The following RANBP1 variants were observed in gnomAD, a reference collection of about 807,000 sequenced individuals.
RANBP1 encodes the protein ran-specific GTPase-activating protein.
RANBP1 carries 16 observed loss-of-function variants against 31.4 expected under a neutral mutation model. The ratio of observed to expected loss-of-function variants is 0.51; its 90% CI spans 0.34 to 0.77. RANBP1 has a LOEUF of 0.77. Among genes scored for constraint, RANBP1 ranks in the 30% least tolerant of loss-of-function variants. The pLI is 0.01. For missense variants in RANBP1, 265 were observed against 362.0 expected, an observed-to-expected ratio of 0.73 and a Z score of 2.17; for synonymous variants, 129 against 140.5, an observed-to-expected ratio of 0.92 and a Z score of 0.58.
At chr22:20,118,066 G>C (rs780124241) in intron 1 of RANBP1, 1 of 996,840 alleles carries the variant, frequency 1.0e-6, no homozygotes, top group Non-Finnish European at 1.2e-6. Context: ...TCATTCATTC[G>C]GTTCTTACGT....
intron 1 of RANBP1, chr22:20,117,023 G>C: frequency 7.3e-7 from 1 of 1,362,282 alleles, no homozygotes; most frequent in Non-Finnish European, 1.0e-6. Context: ...GAGGGGAGGT[G>C]CTCACAGAGC....
In RANBP1 at chr22:20,125,289, C is replaced by G; in HGVS notation, c.542-19C>G. The G allele has an allele frequency of 6.2e-7, 1 of 1,611,406 alleles. No homozygotes were observed. The highest frequency in any genetic ancestry group is 8.5e-7 in the Non-Finnish European group (1 of 1,179,782). On this transcript the variant is annotated intron_variant, in intron 3 of 5. Transcript: ENST00000430524. Reference sequence around the variant, plus strand: ...CTTTGCAGTCATCTCACCATCTTCACGAGCTTCTCTCTCTTCAGTCACGCC... The same window carrying G: ...CTTTGCAGTCATCTCACCATCTTCAGGAGCTTCTCTCTCTTCAGTCACGCC...
At chr22:20,126,550 T>G (rs1474160650) in intron 5 of RANBP1, 182 bp downstream of exon 5, 29 of 1,565,032 alleles carry the variant, frequency 1.9e-5, no homozygotes, top group Non-Finnish European at 2.5e-5. Context: ...CCCTGAGCAC[T>G]TGTCAGTGTT....
intron 1 of RANBP1, chr22:20,116,934 G>A: frequency 1.3e-6 from 2 of 1,581,340 alleles, no homozygotes; most frequent in South Asian, 1.2e-5. Context: ...GCCTAGACCA[G>A]GGACGCCATG....
intron 5 of RANBP1, 138 bp downstream of exon 5, chr22:20,126,506 CAGCTCCCTGGGGACACAGG>C: frequency 6.3e-7 from 1 of 1,591,816 alleles, no homozygotes; most frequent in South Asian, 1.1e-5. Context: ...CAGAGTGATG[CAGCTCCCTGGGGACACAGG>C]TGCTTCCTGG....
intron 3 of RANBP1, chr22:20,122,751 G>GTT: frequency 9.4e-7 from 1 of 1,067,180 alleles, no homozygotes; most frequent in Non-Finnish European, 1.1e-6. Flanking sequence ...GTGTGTGTGT[G>GTT]TGTGTGTGTG....
rs534366036 is a variant in RANBP1 at position 20,125,137 on chromosome 22, AACTC to A, written c.542-169_542-166del. ...AGGATTTTCAAAGAGGTTTGAATAA[AACTC>A]AGGCGCCGTGGTACTTTGTCTAAGC... On this transcript the variant is annotated intron_variant, in intron 3 of 5. Coordinates refer to ENST00000430524, the MANE Select transcript of RANBP1 (RefSeq NM_001278639.2). 546 of 685,556 alleles carry A rather than the reference AACTC, an allele frequency of 8.0e-4. 5 individuals are homozygous for A. The African/African-American group carries it at 9.3e-3, about 12-fold the overall frequency. 42.5% of individuals were successfully genotyped at this position (685,556 alleles called of 1,614,324 possible).
intron 2 of RANBP1, 145 bp downstream of exon 2, chr22:20,119,294 A>G: frequency 1.3e-6 from 1 of 747,764 alleles, no homozygotes; most frequent in Non-Finnish European, 2.2e-6. Context: ...CCATGTGGAA[A>G]TTTAACCCGT....
In RANBP1 at chr22:20,127,260, C is replaced by T; in HGVS notation, c.*208C>T. ...GACTTCAGAAAATCCATTCCCCAGTCATGAAAATGTACTGTGCTAACTTTC... is the reference window on the plus strand; with the variant it reads ...GACTTCAGAAAATCCATTCCCCAGTTATGAAAATGTACTGTGCTAACTTTC... On this transcript the variant is annotated 3_prime_UTR_variant, in exon 6 of 6. Coordinates refer to ENST00000430524, the MANE Select transcript of RANBP1 (RefSeq NM_001278639.2). 1 of 407,662 alleles carries T rather than the reference C, an allele frequency of 2.5e-6. No individual in the cohort carries two copies. Among genetic ancestry groups the T allele is most frequent in the South Asian group, 2.8e-5 (1 of 36,334 alleles). 25.3% of individuals were successfully genotyped at this position (407,662 alleles called of 1,614,324 possible). A position where few individuals can be genotyped will look rare whatever the true frequency, so the allele number is the denominator to read the frequency against.
intron 2 of RANBP1, 180 bp downstream of exon 2, chr22:20,119,329 G>A (rs572287268): frequency 1.6e-6 from 1 of 609,578 alleles, no homozygotes; most frequent in Non-Finnish European, 2.9e-6. Flanking sequence ...TTCACCAGAT[G>A]CCCTTGCTGC....
At chr22:20,117,163 G>A (rs2050053015) in intron 1 of RANBP1, 2 of 551,014 alleles carry the variant, frequency 3.6e-6, no homozygotes, top group Non-Finnish European at 3.0e-6. Context: ...GCCCGCGCCG[G>A]CCGCTCGCTT....
intron 2 of RANBP1, among the ~76,000 whole-genome samples, chr22:20,121,837 C>G (rs1242004195): frequency 7.2e-6 from 1 of 138,614 alleles, no homozygotes; most frequent in African/African-American, 2.7e-5. Flanking sequence ...CTCCTGGGCT[C>G]AAGTGATTGT....
chr22:20,116,477 C>T (rs770067331), intron 1 of RANBP1, 47 bp downstream of exon 1: 8 of 1,612,774 alleles, frequency 5.0e-6, no homozygotes, highest in African/African-American at 1.3e-5. Context: ...GGCTGAGGCC[C>T]CGGCCCTGTA....
At chr22:20,123,248 G>A (rs1348678609) in intron 3 of RANBP1, among the ~76,000 whole-genome samples, 4 of 123,774 alleles carry the variant, frequency 3.2e-5, no homozygotes, top group Non-Finnish European at 7.2e-5. Context: ...TGTGGTATCC[G>A]GGGTGTGTGT....
In RANBP1 at chr22:20,122,454, C is replaced by T. The variant is rs139626226; in HGVS notation, c.541+33C>T. On this transcript the variant is annotated intron_variant, in intron 3 of 5. Coordinates refer to ENST00000430524, the MANE Select transcript of RANBP1 (RefSeq NM_001278639.2). ...GCATGAACGACCACCTCGACAGTCC[C>T]CAGCAGCTTGGCCTGGGACCTTTGG... 1,039 of 1,611,460 alleles carry T rather than the reference C, an allele frequency of 6.4e-4. 2 individuals carry two copies. The highest frequency in any genetic ancestry group is 8.0e-4 in the Non-Finnish European group (949 of 1,178,918).
At chr22:20,126,202 A>G in intron 4 of RANBP1, 101 bp from the exon 5 acceptor site, 1 of 1,386,188 alleles carries the variant, frequency 7.2e-7, no homozygotes, top group Non-Finnish European at 9.9e-7. Flanking sequence ...AGCAATTACC[A>G]TGAAATGGGT....
At chr22:20,122,163 G>A in intron 2 of RANBP1, 101 bp from the exon 3 acceptor site, 1 of 1,356,804 alleles carries the variant, frequency 7.4e-7, no homozygotes, top group Non-Finnish European at 1.0e-6. Context: ...CGTTCGTGGA[G>A]GCATGGGGTC....
intron 5 of RANBP1, 90 bp downstream of exon 5, chr22:20,126,458 G>A: frequency 6.2e-7 from 1 of 1,607,776 alleles, no homozygotes; most frequent in Non-Finnish European, 8.5e-7. Context: ...CTGTCTGCCA[G>A]ATAAACATTC....
rs150814421 is a variant in RANBP1, at chr22:20,126,989, G to T, written c.774G>T (p.Ala258=). The T allele has an allele frequency of 1.2e-5, 20 of 1,613,518 alleles. No individual in the cohort carries two copies. In the South Asian group the frequency reaches 2.2e-4, roughly 18 times the overall value. The change falls in exon 6 of 6, where the codon GCG becomes GCT. Residue 258 remains alanine (A), a synonymous_variant. Transcript: ENST00000430524. The stretch of plus-strand genomic sequence containing the variant: ...AAAATGATCATGCCGAAAAAGTGGC[G>T]GAAAAGCTAGAAGCTCTCTCGGTGA... ...SGKNDHAEKV[A]EKLEALSVKE...
Sources: gnomAD v4.1 joint callset for allele counts (sites outside exome capture counted in the v4.1 genomes callset) on GRCh38, gnomAD v4.1.1 for gene constraint, MANE v1.5 for transcripts, NCBI Gene and HGNC (gene_info 2026-07-23, HGNC 2026-07-21) for gene names.